NTM: variants seen among roughly 807,000 people sequenced by gnomAD.
The protein encoded by NTM is neurotrimin, also known as IgLON family member 2.
NTM carries 13 observed loss-of-function variants against 42.1 expected under a neutral mutation model. That is an observed-to-expected ratio of 0.31 (90% CI 0.20 to 0.49). The LOEUF (loss-of-function observed/expected upper bound fraction) is 0.49. NTM is among the 20% of genes least tolerant of loss of function. The pLI is 0.99. For synonymous variants in NTM, 187 were observed against 179.2 expected, an observed-to-expected ratio of 1.04 and a Z score of -0.35; for missense variants, 373 against 452.8, an observed-to-expected ratio of 0.82 and a Z score of 1.60.
chr11:132,314,827 GGAAAAAAAAGAGAGAGACACA>G, intron 7 of NTM, 124 bp downstream of exon 7: 1 of 1,379,870 alleles, frequency 7.2e-7, no homozygotes, highest in South Asian at 1.9e-5. Flanking sequence ...TGGAGAGGGA[GGAAAAAAAAGAGAGAGACACA>G]GAAAGAAATG....
intron 2 of NTM, among the ~76,000 whole-genome samples, chr11:132,067,311 C>G (rs753024604): frequency 3.3e-5 from 5 of 152,204 alleles, no homozygotes; most frequent in Non-Finnish European, 7.4e-5. Context: ...TCCAAAGATT[C>G]TTGTCTGTCC....
At chr11:131,730,647 A>G (rs1284971830) in intron 1 of NTM, among the ~76,000 whole-genome samples, 1 of 151,576 alleles carries the variant, frequency 6.6e-6, no homozygotes, top group African/African-American at 2.4e-5. Context: ...CGAGCCTAGG[A>G]GCTTAAGGCT....
At chr11:132,077,130 A>G (rs1444235703) in intron 2 of NTM, among the ~76,000 whole-genome samples, 2 of 152,208 alleles carry the variant, frequency 1.3e-5, no homozygotes, top group East Asian at 3.9e-4. Flanking sequence ...AGCCAACCCT[A>G]TGGACTTGTT....
intron 4 of NTM, among the ~76,000 whole-genome samples, chr11:132,230,476 G>T (rs552125678): frequency 6.6e-6 from 1 of 152,168 alleles, no homozygotes; most frequent in African/African-American, 2.4e-5. Context: ...GGCATCAGCA[G>T]CTGTCTTTTC....
intron 2 of NTM, among the ~76,000 whole-genome samples, chr11:132,141,300 T>C (rs2137250933): frequency 6.6e-6 from 1 of 152,038 alleles, no homozygotes; most frequent in Non-Finnish European, 1.5e-5. Context: ...TTCTCTTTTC[T>C]CATCCTAAAT....
intron 2 of NTM, among the ~76,000 whole-genome samples, chr11:132,032,080 C>G (rs1364950200): frequency 2.0e-5 from 3 of 152,212 alleles, no homozygotes; most frequent in Non-Finnish European, 4.4e-5. Context: ...TTCTCACACT[C>G]TGCACACATC....
intron 1 of NTM, among the ~76,000 whole-genome samples, chr11:131,856,899 C>G (rs1004126430): frequency 6.6e-6 from 1 of 152,182 alleles, no homozygotes; most frequent in Non-Finnish European, 1.5e-5. Flanking sequence ...GATCACACAT[C>G]TAAGCAATGA....
rs527278430 is a variant in NTM, at chr11:131,913,309, G to T, written c.167+1661G>T. On this transcript the variant is annotated intron_variant, in intron 2 of 8. Transcript: ENST00000683400. ...CCAGGGACAGAGACATTCTGAATGG[G>T]GAACATTTTAGATATAAATGGGATT... Among the ~76,000 whole-genome samples, 8 of 151,938 alleles carry T rather than the reference G, an allele frequency of 5.3e-5. No homozygotes were observed. In the East Asian group the frequency reaches 1.4e-3, roughly 26 times the overall value.
At chr11:131,696,140 A>C (rs533358383) in intron 1 of NTM, among the ~76,000 whole-genome samples, 2 of 152,196 alleles carry the variant, frequency 1.3e-5, no homozygotes, top group Admixed American at 1.3e-4. Flanking sequence ...TACTTGGGAC[A>C]AAAAGAGCTA....
intron 3 of NTM, among the ~76,000 whole-genome samples, chr11:132,148,055 A>C (rs1413099270): frequency 6.6e-6 from 1 of 152,162 alleles, no homozygotes; most frequent in East Asian, 1.9e-4. Context: ...GGAATCCTTG[A>C]TGCTGTGGCC....
intron 1 of NTM, among the ~76,000 whole-genome samples, chr11:131,879,013 C>T (rs991650726): frequency 6.6e-6 from 1 of 152,130 alleles, no homozygotes; most frequent in African/African-American, 2.4e-5. Flanking sequence ...ACGGAACTCA[C>T]TCAGCTTTTG....
intron 2 of NTM, among the ~76,000 whole-genome samples, chr11:132,041,998 A>G (rs924331714): frequency 6.6e-5 from 10 of 152,198 alleles, no homozygotes; most frequent in Non-Finnish European, 1.5e-4. Context: ...TTCCAACCTG[A>G]GGATTGAGTA....
At chr11:132,184,756 A>G (rs73595492) in intron 3 of NTM, among the ~76,000 whole-genome samples, 2,475 of 152,276 alleles carry the variant, frequency 0.016, 60 homozygotes, top group African/African-American at 0.056. Flanking sequence ...ATGAACAATG[A>G]GCTACACAAA....
chr11:132,106,939 G>A (rs1338396457), intron 2 of NTM, among the ~76,000 whole-genome samples: 3 of 151,342 alleles, frequency 2.0e-5, no homozygotes, highest in Non-Finnish European at 4.4e-5. Context: ...TTATTTTAGT[G>A]ATTATTTTAG....
chr11:132,083,760 G>A (rs2136309773), intron 2 of NTM, among the ~76,000 whole-genome samples: 1 of 152,256 alleles, frequency 6.6e-6, no homozygotes, highest in South Asian at 2.1e-4. Flanking sequence ...GCATCCTCTT[G>A]CAAAAGAAAA....
At chr11:131,789,636 A>AAGAAAAG (rs1555127950) in intron 1 of NTM, among the ~76,000 whole-genome samples, 1 of 30,900 alleles carries the variant, frequency 3.2e-5, no homozygotes, top group Non-Finnish European at 7.3e-5. Flanking sequence ...AAGAAGAAGA[A>AAGAAAAG]AAGAAGAAGA....
At chr11:131,799,085 T>G (rs2091880897) in intron 1 of NTM, among the ~76,000 whole-genome samples, 1 of 152,266 alleles carries the variant, frequency 6.6e-6, no homozygotes, top group Admixed American at 6.5e-5. Context: ...CTTTCTTGTT[T>G]AATTGTTAAC....
rs536012427 is a variant in NTM, at chr11:131,938,947, AC to A, written c.167+27302del. Among the ~76,000 whole-genome samples, 220 of 152,182 alleles carry A rather than the reference AC, an allele frequency of 1.4e-3. 2 individuals are homozygous for A. Among genetic ancestry groups the A allele is most frequent in the Admixed American group, 0.013 (206 of 15,260 alleles). ...AGGAGAGAAATGAGGGAGCAAGAGG[AC>A]CCTTAGATACACTAAGTTTATGATG... is the stretch of plus-strand genomic sequence containing the variant. On this transcript the variant is annotated intron_variant, in intron 2 of 8. Transcript: ENST00000683400.
chr11:132,022,072 C>T (rs933141766), intron 2 of NTM, among the ~76,000 whole-genome samples: 1 of 152,172 alleles, frequency 6.6e-6, no homozygotes, highest in African/African-American at 2.4e-5. Context: ...GTGTCACTCA[C>T]CATTCAAAGT....
Sources: gnomAD v4.1 joint callset for allele counts (sites outside exome capture counted in the v4.1 genomes callset) on GRCh38, gnomAD v4.1.1 for gene constraint, MANE v1.5 for transcripts, NCBI Gene and HGNC (gene_info 2026-07-23, HGNC 2026-07-21) for gene names.